TYK2: variants seen among roughly 807,000 people sequenced by gnomAD.
TYK2 encodes the protein non-receptor tyrosine-protein kinase TYK2.
A neutral mutation model predicts 130.9 loss-of-function variants in TYK2; 65 were observed. The ratio of observed to expected loss-of-function variants is 0.50; its 90% confidence interval spans 0.41 to 0.61. The LOEUF is 0.61. TYK2 is among the 20% of genes least tolerant of loss of function. TYK2 has a pLI of 0.00. For synonymous variants in TYK2, 647 were observed against 658.9 expected (o/e 0.98, Z 0.28); for missense variants, 1,378 against 1,610.7 (o/e 0.86, Z 2.47).
intron 3 of TYK2, 137 bp downstream of exon 3, chr19:10,378,077 G>T: frequency 1.1e-6 from 1 of 872,322 alleles, no homozygotes; most frequent in Non-Finnish European, 1.8e-6. Flanking sequence ...TGGGTGGATG[G>T]GTGGATGGAT....
chr19:10,368,619 A>C, intron 3 of TYK2: 1 of 659,576 alleles, frequency 1.5e-6, no homozygotes, highest in Admixed American at 2.7e-5. Context: ...TACATTTCCC[A>C]GCCTCCCTTG....
chr19:10,367,837 G>A (rs553292192), intron 5 of TYK2, among the ~76,000 whole-genome samples: 2 of 150,078 alleles, frequency 1.3e-5, no homozygotes, highest in South Asian at 2.1e-4. Flanking sequence ...GGAAAATGAC[G>A]GGAACCTGGG....
chr19:10,378,880 A>ATCTTATCTTG (rs1363889406), intron 2 of TYK2, among the ~76,000 whole-genome samples: 1 of 143,662 alleles, frequency 7.0e-6, no homozygotes, highest in African/African-American at 2.6e-5. Context: ...ATCTTATCTT[A>ATCTTATCTTG]TTTTTGAGAC....
Position 10,362,244 on chromosome 19 carries a change from A to C in TYK2, c.1669+20T>G. On this transcript the variant is annotated intron_variant, in intron 11 of 24. Coordinates refer to ENST00000525621, the MANE Select transcript of TYK2 (RefSeq NM_003331.5). ...GGGAGAGATGCCACATCCCACCCAG[A>C]GGTCCCCCTATCATCGTACCTCCTG... 1 of 1,613,568 alleles carries C rather than the reference A, an allele frequency of 6.2e-7. No individual in the cohort carries two copies. Among genetic ancestry groups the C allele is most frequent in the Non-Finnish European group, 8.5e-7 (1 of 1,179,552 alleles).
chr19:10,351,105 C>T lies in TYK2; in HGVS notation c.3376G>A (p.Glu1126Lys), dbSNP rs1374059220. The change falls in exon 24 of 25, where the codon GAG (glutamate) becomes AAG (lysine). Residue 1126 changes from glutamate (E) to lysine (K), a missense_variant. Glu to Lys is a moderately conservative substitution (Grantham distance 56). Transcript: ENST00000525621. ...AGCCTCTCCCCTCGTTCCAGCAACT[C>T]AGTGAGTCTCAGAACTGTCATCTGA... ...QGQMTVLRLT[E>K]LLERGERLPR... The T allele has an allele frequency of 6.2e-7, 1 of 1,614,052 alleles. No homozygotes were observed. Among genetic ancestry groups the T allele is most frequent in the East Asian group, 2.2e-5 (1 of 44,894 alleles).
chr19:10,359,683 T>C (rs2041295598), intron 14 of TYK2, among the ~76,000 whole-genome samples: 1 of 135,870 alleles, frequency 7.4e-6, no homozygotes, highest in Non-Finnish European at 1.6e-5. Context: ...CCATCACTAC[T>C]AAAAAAAAAA....
rs2041675637 is a variant in TYK2, at chr19:10,366,554, C to T, written c.492G>A (p.Val164=). ...CGGTCGACAGCTCCCACAGTGATGC[C>T]ACGTCATTCACAAACTCATGCTTGC... is the stretch of plus-strand genomic sequence containing the variant. ...EQGKHEFVND[V]ASLWELSTEE... The change falls in exon 6 of 25, where the codon GTG becomes GTA. Residue 164 remains valine (V), a synonymous_variant. Coordinates refer to ENST00000525621, the MANE Select transcript of TYK2 (RefSeq NM_003331.5). The T allele has an allele frequency of 4.3e-6, 7 of 1,613,858 alleles. No individual in the cohort carries two copies. Among genetic ancestry groups the T allele is most frequent in the African/African-American group, 2.7e-5 (2 of 74,852 alleles).
Position 10,354,056 on chromosome 19 carries a change from C to CTTG in TYK2, c.2893_2894insCAA (p.Cys965delinsSerSer), listed in dbSNP as rs1429935291. The CTTG allele has an allele frequency of 6.2e-7, 1 of 1,614,018 alleles. No individual in the cohort carries two copies. Among genetic ancestry groups the CTTG allele is most frequent in the African/African-American group, 1.3e-5 (1 of 74,946 alleles). Reference sequence around the variant, plus strand: ...GTCCCGCCCACCTTGGTCCTCGCAGCAGCCCTTGTACTTGATGATGTGCTC... The same window carrying CTTG: ...GTCCCGCCCACCTTGGTCCTCGCAGCTTGAGCCCTTGTACTTGATGATGTGCTC... On this transcript the variant is annotated protein_altering_variant, in exon 20 of 25. Transcript: ENST00000525621.
chr19:10,359,429 G>T, intron 14 of TYK2, 127 bp from the exon 15 acceptor site: 1 of 1,188,060 alleles, frequency 8.4e-7, no homozygotes, highest in Non-Finnish European at 1.2e-6. Flanking sequence ...AGGTGTGGGT[G>T]GAGTTTGGTC....
At position 10,361,048 on chromosome 19, in the gene TYK2, A is replaced by G; in HGVS notation, c.2047+463T>C. On this transcript the variant is annotated intron_variant, in intron 14 of 24. Transcript: ENST00000525621. The surrounding 1 kb of genome is among the most constrained non-coding windows in gnomAD (Gnocchi z 4.0). ...GGGATAGGTGTGAGCCACCACACCT[A>G]GCCTATACAAGGAGTTTTGAGCTAC... 2.2e-6 allele frequency: 1 copy of G among 451,908 alleles called. No individual in the cohort carries two copies. Among genetic ancestry groups the G allele is most frequent in the South Asian group, 1.6e-5 (1 of 62,668 alleles). 28.0% of individuals were successfully genotyped at this position (451,908 alleles called of 1,614,324 possible). A position where few individuals can be genotyped will look rare whatever the true frequency, so the allele number is the denominator to read the frequency against.
At chr19:10,354,008 C>A in intron 20 of TYK2, 34 bp downstream of exon 20, 1 of 1,609,790 alleles carries the variant, frequency 6.2e-7, no homozygotes, top group South Asian at 1.1e-5. Flanking sequence ...ACCACGCCCC[C>A]TCAAGTCTCT....
chr19:10,375,934 A>G (rs2042099198), intron 3 of TYK2, among the ~76,000 whole-genome samples: 2 of 152,010 alleles, frequency 1.3e-5, no homozygotes. Context: ...CAAAAAAAAG[A>G]AAAAAAGAAA....
chr19:10,352,233 G>A (rs2040843377), intron 23 of TYK2, among the ~76,000 whole-genome samples: 1 of 151,040 alleles, frequency 6.6e-6, no homozygotes, highest in Non-Finnish European at 1.5e-5. Flanking sequence ...CACCACGCCT[G>A]GCTAATTTTT....
At position 10,364,996 on chromosome 19, in the gene TYK2, T is replaced by G. The variant is rs1405988744; in HGVS notation, c.1064A>C (p.Lys355Thr). 2 of 1,613,076 alleles carry G rather than the reference T, an allele frequency of 1.2e-6. No individual in the cohort carries two copies. Among genetic ancestry groups the G allele is most frequent in the South Asian group, 2.2e-5 (2 of 91,042 alleles). ...GCCGACTGCCTTGTGAGCCTTGGCC[T>G]TCTTCCCAAACAGGCTGGCTTGGGG... ...RNPQASLFGK[K>T]AKAHKAVGQP... The change falls in exon 8 of 25, where the codon AAG becomes ACG. Residue 355 changes from lysine to threonine, a missense_variant. By Grantham distance (78) the Lys-to-Thr change is moderately conservative (BLOSUM62 -1). Transcript: ENST00000525621. The surrounding 1 kb of genome is among the most constrained non-coding windows in gnomAD (Gnocchi z 4.9).
At chr19:10,354,952 A>T (rs1034847748) in intron 18 of TYK2, among the ~76,000 whole-genome samples, 13 of 151,246 alleles carry the variant, frequency 8.6e-5, no homozygotes, top group African/African-American at 3.2e-4. Context: ...GCTACTCAGG[A>T]GGCTGAGGTA....
In TYK2 at chr19:10,368,375, A is replaced by G; in HGVS notation, c.237T>C (p.Ala79=). 3 of 1,614,124 alleles carry G rather than the reference A, an allele frequency of 1.9e-6. No individual in the cohort carries two copies. Among genetic ancestry groups the G allele is most frequent in the South Asian group, 1.1e-5 (1 of 91,072 alleles). The change falls in exon 4 of 25, where the codon GCT becomes GCC. Residue 79 remains alanine, a synonymous_variant. Transcript: ENST00000525621. ...TTGGGGGCAACCAGACTTGGGCCTGAGCATCGAAGAGGGCAAAGAGATTGA... is the reference window on the plus strand; with the variant it reads ...TTGGGGGCAACCAGACTTGGGCCTGGGCATCGAAGAGGGCAAAGAGATTGA... ...PCFNLFALFD[A]QAQVWLPPNH...
intron 3 of TYK2, among the ~76,000 whole-genome samples, chr19:10,376,039 T>C (rs1022691427): frequency 6.8e-6 from 1 of 147,418 alleles, no homozygotes; most frequent in Admixed American, 6.8e-5. Context: ...TGAGATGGAG[T>C]TTCGCTCTTG....
At chr19:10,380,018 T>C (rs1213338156) in intron 1 of TYK2, among the ~76,000 whole-genome samples, 1 of 152,132 alleles carries the variant, frequency 6.6e-6, no homozygotes, top group East Asian at 1.9e-4. Context: ...GTGGAGGGGC[T>C]GTCACTTCCA....
At chr19:10,356,271 T>A (rs1416533628) in intron 18 of TYK2, among the ~76,000 whole-genome samples, 1 of 151,756 alleles carries the variant, frequency 6.6e-6, no homozygotes. Context: ...CCCAGCTACT[T>A]GGGAGGCTGA....
Sources: allele counts gnomAD v4.1 joint callset (sites outside exome capture counted in the v4.1 genomes callset), GRCh38; gene constraint gnomAD v4.1.1; non-coding constraint Gnocchi (gnomAD v3.1); transcripts MANE v1.5; gene names NCBI Gene and HGNC (gene_info 2026-07-23, HGNC 2026-07-21).